SDK1: variants seen among roughly 807,000 people sequenced by gnomAD.
The protein encoded by SDK1 is protein sidekick-1.
SDK1 carries 157 observed loss-of-function variants against 245.5 expected under a neutral mutation model. The ratio of observed to expected loss-of-function variants is 0.64; its 90% confidence interval spans 0.56 to 0.73. The LOEUF is 0.73. Among genes scored for constraint, SDK1 ranks in the 30% least tolerant of loss-of-function variants. SDK1 has a pLI of 0.00. For synonymous variants in SDK1, 1,647 were observed against 1,278.5 expected (o/e 1.29, Z -6.15); for missense variants, 3,583 against 3,002.3 (o/e 1.19, Z -4.52).
chr7:3,347,567 T>TCA (rs1436778142), intron 1 of SDK1, among the ~76,000 whole-genome samples: 1 of 152,176 alleles, frequency 6.6e-6, no homozygotes, highest in Non-Finnish European at 1.5e-5. Flanking sequence ...CCTCCCTGTT[T>TCA]CATTTCTGAC....
At chr7:4,151,418 T>C (rs679546) in intron 30 of SDK1, among the ~76,000 whole-genome samples, 31,485 of 152,160 alleles carry the variant, frequency 0.21, 3,667 homozygotes, top group African/African-American at 0.31. Flanking sequence ...CTTCCCCTCT[T>C]ACAGGGCACA....
At chr7:3,556,997 A>T (rs1370387162) in intron 1 of SDK1, among the ~76,000 whole-genome samples, 1 of 150,336 alleles carries the variant, frequency 6.7e-6, no homozygotes, top group Non-Finnish European at 1.5e-5. Flanking sequence ...TAAAAATATT[A>T]AAAAATAAGG....
intron 4 of SDK1, among the ~76,000 whole-genome samples, chr7:3,650,726 A>G (rs67062941): frequency 0.23 from 35,224 of 152,052 alleles, 4,799 homozygotes; most frequent in Non-Finnish European, 0.31. Context: ...CCCCTTCTTA[A>G]GCCCTAATAA....
chr7:4,100,888 C>T (rs896469098), intron 22 of SDK1, among the ~76,000 whole-genome samples: 10 of 152,144 alleles, frequency 6.6e-5, no homozygotes, highest in Non-Finnish European at 5.9e-5. Context: ...TTAACAAGGA[C>T]CCCAGACTCA....
chr7:3,933,799 T>C (rs569864667), intron 5 of SDK1, among the ~76,000 whole-genome samples: 14 of 152,158 alleles, frequency 9.2e-5, no homozygotes, highest in Non-Finnish European at 1.8e-4. Context: ...CTTGAGAAGG[T>C]CTGGTTTTAC....
intron 4 of SDK1, among the ~76,000 whole-genome samples, chr7:3,695,168 A>C (rs1335227148): frequency 1.3e-5 from 2 of 152,230 alleles, no homozygotes; most frequent in Non-Finnish European, 2.9e-5. Flanking sequence ...CAGAATTCTT[A>C]CAAGACAGCA....
At chr7:4,127,258 C>G (rs565678150) in intron 25 of SDK1, 123 bp from the exon 26 acceptor site, 1 of 749,410 alleles carries the variant, frequency 1.3e-6, no homozygotes, top group South Asian at 1.6e-5. Flanking sequence ...AATCTGATCA[C>G]TACAAAATGC....
At chr7:4,087,261 G>T (rs1011009840) in intron 22 of SDK1, among the ~76,000 whole-genome samples, 1 of 152,094 alleles carries the variant, frequency 6.6e-6, no homozygotes, top group Non-Finnish European at 1.5e-5. Context: ...AATTGCCTCA[G>T]TGCCATTTAT....
At chr7:3,990,730 A>G (rs1784238497) in intron 14 of SDK1, among the ~76,000 whole-genome samples, 1 of 152,184 alleles carries the variant, frequency 6.6e-6, no homozygotes, top group Non-Finnish European at 1.5e-5. Context: ...GGTGAAATTC[A>G]TCTCTCCAGT....
Position 3,974,405 on chromosome 7 carries a change from A to C in SDK1, c.1854A>C (p.Pro618=). The C allele has an allele frequency of 1.9e-6, 3 of 1,614,056 alleles. No homozygotes were observed. The highest frequency in any genetic ancestry group is 2.5e-6 in the Non-Finnish European group (3 of 1,179,962). The change falls in exon 13 of 45, where the codon CCA becomes CCC. Residue 618 remains proline (P), a synonymous_variant. Coordinates refer to ENST00000404826, the MANE Select transcript of SDK1 (RefSeq NM_152744.4). ...VWKKDNVALT[P]SSTSRIVVEK... The stretch of plus-strand genomic sequence containing the variant: ...AGAAGGACAACGTGGCCCTGACTCC[A>C]TCGAGCACGTCTAGGATCGTGGTGG...
At chr7:4,178,666 C>T (rs897900381) in intron 35 of SDK1, 80 bp downstream of exon 35, 150 of 962,102 alleles carry the variant, frequency 1.6e-4, no homozygotes, top group Middle Eastern at 2.9e-4. Context: ...CGGCCAAGCC[C>T]CTCAGGTGTC....
chr7:4,173,663 G>A (rs1038957902), intron 32 of SDK1, among the ~76,000 whole-genome samples: 4 of 152,214 alleles, frequency 2.6e-5, no homozygotes, highest in African/African-American at 7.2e-5. Context: ...TCACCGGACC[G>A]CAAGATGATA....
At chr7:4,172,826 G>A (rs1040192840) in intron 32 of SDK1, among the ~76,000 whole-genome samples, 3 of 152,090 alleles carry the variant, frequency 2.0e-5, no homozygotes, top group African/African-American at 7.2e-5. Flanking sequence ...TGTCTTCATC[G>A]GGTGTTCCCC....
intron 25 of SDK1, among the ~76,000 whole-genome samples, chr7:4,125,438 G>A (rs1172998528): frequency 6.6e-6 from 1 of 151,482 alleles, no homozygotes; most frequent in Non-Finnish European, 1.5e-5. Context: ...TGAGTGAATG[G>A]ATGAATGGGT....
At chr7:3,352,490 G>C (rs56193850) in intron 1 of SDK1, among the ~76,000 whole-genome samples, 15,712 of 152,158 alleles carry the variant, frequency 0.1, 1,017 homozygotes, top group African/African-American at 0.18. Flanking sequence ...TTAGTTCACA[G>C]GCTGTGGCTC....
At chr7:3,808,612 G>A (rs10264034) in intron 4 of SDK1, among the ~76,000 whole-genome samples, 2 of 152,268 alleles carry the variant, frequency 1.3e-5, no homozygotes, top group Admixed American at 1.3e-4. Flanking sequence ...GCTCAGTTTA[G>A]GGGACCAGGA....
At chr7:3,541,898 AAAT>A (rs2128620708) in intron 1 of SDK1, among the ~76,000 whole-genome samples, 1 of 152,346 alleles carries the variant, frequency 6.6e-6, no homozygotes, top group East Asian at 1.9e-4. Context: ...GAGGAACAAA[AAAT>A]AAAATTCTTT....
chr7:4,110,154 A>C (rs1359878145), intron 22 of SDK1, among the ~76,000 whole-genome samples: 2 of 152,160 alleles, frequency 1.3e-5, no homozygotes, highest in Admixed American at 1.3e-4. Context: ...GACCTTCCTT[A>C]TGCCGTGGGC....
At chr7:3,943,348 G>A (rs1780440212) in intron 5 of SDK1, among the ~76,000 whole-genome samples, 1 of 18,424 alleles carries the variant, frequency 5.4e-5, no homozygotes, top group Non-Finnish European at 1.1e-4. Context: ...AGCCACCTTG[G>A]CCTCTGCCTC....
Sources: gnomAD v4.1 joint callset for allele counts (sites outside exome capture counted in the v4.1 genomes callset) on GRCh38, gnomAD v4.1.1 for gene constraint, MANE v1.5 for transcripts, NCBI Gene and HGNC (gene_info 2026-07-23, HGNC 2026-07-21) for gene names.